MBD5: variants seen among roughly 807,000 people sequenced by gnomAD.
MBD5 encodes the protein methyl-CpG binding domain protein 5, also known as methyl-CpG-binding domain protein 5.
A neutral mutation model predicts 117.3 loss-of-function variants in MBD5; 13 were observed. The observed-to-expected ratio is 0.11, with a 90% confidence interval of 0.07 to 0.18. The LOEUF (loss-of-function observed/expected upper bound fraction) is 0.18. Ranked by LOEUF, MBD5 falls within the 10% of genes least tolerant of loss-of-function variation. The pLI is 1.00. For synonymous variants in MBD5, 727 were observed against 766.4 expected (o/e 0.95, Z 0.85); for missense variants, 1,879 against 2,093.8 (o/e 0.90, Z 2.00).
intron 1 of MBD5, among the ~76,000 whole-genome samples, chr2:148,045,434 CCT>C (rs1160574878): frequency 3.9e-5 from 6 of 152,236 alleles, no homozygotes; most frequent in African/African-American, 1.4e-4. Flanking sequence ...AGATTTGTCT[CCT>C]CTCTTACGAA....
chr2:148,426,258 A>G (rs1289591339), intron 4 of MBD5, among the ~76,000 whole-genome samples: 2 of 152,230 alleles, frequency 1.3e-5, no homozygotes, highest in East Asian at 3.8e-4. Context: ...TGCCATCCCC[A>G]TTAAGCTACC....
intron 1 of MBD5, among the ~76,000 whole-genome samples, chr2:148,051,847 C>T (rs1694712896): frequency 6.6e-6 from 1 of 151,830 alleles, no homozygotes; most frequent in African/African-American, 2.4e-5. Flanking sequence ...GCTTTTGTGT[C>T]AAGATATGCT....
At chr2:148,308,982 C>T (rs893321304) in intron 3 of MBD5, among the ~76,000 whole-genome samples, 11 of 152,152 alleles carry the variant, frequency 7.2e-5, no homozygotes, top group Admixed American at 1.3e-4. Context: ...GGCATGATTT[C>T]TGAGGCCTCT....
chr2:148,121,015 G>A (rs775238277), intron 1 of MBD5, among the ~76,000 whole-genome samples: 12 of 152,178 alleles, frequency 7.9e-5, no homozygotes, highest in Middle Eastern at 3.4e-3. Flanking sequence ...CAATAGATTC[G>A]TCATTTTATA....
At chr2:148,021,083 T>TC (rs1402367304), upstream of MBD5, 7 of 99,332 alleles carry the variant, frequency 7.0e-5, no homozygotes, top group South Asian at 3.5e-4. Flanking sequence ...GAACCCCCCC[T>TC]CCCCCCCAAG....
chr2:148,430,342 G>C (rs1469148829), intron 4 of MBD5, among the ~76,000 whole-genome samples: 1 of 152,120 alleles, frequency 6.6e-6, no homozygotes, highest in East Asian at 1.9e-4. Flanking sequence ...AGACTAAGAT[G>C]TAATCCTAGC....
At position 148,489,969 on chromosome 2, in the gene MBD5, A is replaced by C; in HGVS notation, c.4337A>C (p.Glu1446Ala). 6.2e-7 allele frequency: 1 copy of C among 1,614,072 alleles called. No individual in the cohort carries two copies. The highest frequency in any genetic ancestry group is 8.5e-7 in the Non-Finnish European group (1 of 1,180,022). The change falls in exon 11 of 14, where the codon GAG becomes GCG. Residue 1446 changes from glutamate to alanine, a missense_variant. Glu to Ala is a moderately radical substitution (Grantham distance 107). Coordinates refer to ENST00000642680, the MANE Select transcript of MBD5 (RefSeq NM_001378120.1). ...GGGGAGCGAAACAGGTGGAAGTACG[A>C]GGAATTTTTAGATCATCCAGGCCAT... ...PRGERNRWKY[E>A]EFLDHPGHIH...
At chr2:148,484,303 T>C (rs761594005) in intron 9 of MBD5, among the ~76,000 whole-genome samples, 168 bp downstream of exon 9, 3 of 152,202 alleles carry the variant, frequency 2.0e-5, no homozygotes, top group South Asian at 2.1e-4. Context: ...ACCATAGTTA[T>C]ACAAACATGA....
chr2:148,316,375 T>C (rs12463708), intron 3 of MBD5, among the ~76,000 whole-genome samples: 30,927 of 152,174 alleles, frequency 0.2, 3,276 homozygotes, highest in African/African-American at 0.21. Flanking sequence ...AGGAAGAGTT[T>C]GTCATGCTGA....
At chr2:148,185,601 G>T (rs1698634782) in intron 2 of MBD5, among the ~76,000 whole-genome samples, 1 of 152,058 alleles carries the variant, frequency 6.6e-6, no homozygotes, top group Admixed American at 6.6e-5. Flanking sequence ...ACTGATTTCT[G>T]GTTTTTTAAA....
rs538500083 is a variant in MBD5, at chr2:148,309,780, T to C, written c.-679-32434T>C. ...TCCAGCTTTTGCCCATTCAGTATGA[T>C]ATTGGCTGTAGGTTTGTCATAAATA... On this transcript the variant is annotated intron_variant, in intron 3 of 13. Coordinates refer to ENST00000642680, the MANE Select transcript of MBD5 (RefSeq NM_001378120.1). Among the ~76,000 whole-genome samples the C allele has an allele frequency of 3.8e-4, 58 of 152,332 alleles. No individual in the cohort carries two copies. The South Asian group carries it at 0.012, about 31-fold the overall frequency.
At chr2:148,451,098 T>A (rs1480599958) in intron 4 of MBD5, among the ~76,000 whole-genome samples, 1 of 152,162 alleles carries the variant, frequency 6.6e-6, no homozygotes, top group Non-Finnish European at 1.5e-5. Flanking sequence ...CTAGAGAATA[T>A]CTCTCTAATG....
chr2:148,383,582 G>A (rs769417283), intron 4 of MBD5, among the ~76,000 whole-genome samples: 6 of 152,020 alleles, frequency 3.9e-5, no homozygotes, highest in Non-Finnish European at 7.4e-5. Flanking sequence ...TAGAAAAAAA[G>A]GGAATCCTCC....
At chr2:148,026,530 G>T (rs1693897047) in intron 1 of MBD5, 1 of 152,194 alleles carries the variant, frequency 6.6e-6, no homozygotes, top group Non-Finnish European at 1.5e-5. Flanking sequence ...CAGCTACTCG[G>T]AGGCTGAGGC....
intron 1 of MBD5, among the ~76,000 whole-genome samples, chr2:148,095,789 A>G (rs1290940398): frequency 2.0e-5 from 3 of 151,860 alleles, no homozygotes; most frequent in Non-Finnish European, 4.4e-5. Context: ...GCTATGAACG[A>G]GAAGCATTTT....
At chr2:148,512,442 G>C (rs1033315833) in intron 13 of MBD5, among the ~76,000 whole-genome samples, 3 of 152,124 alleles carry the variant, frequency 2.0e-5, no homozygotes, top group Non-Finnish European at 4.4e-5. Flanking sequence ...GGGTAACAAA[G>C]TGAGGGAAAA....
At chr2:148,445,589 A>G (rs373350498) in intron 4 of MBD5, among the ~76,000 whole-genome samples, 2 of 151,412 alleles carry the variant, frequency 1.3e-5, no homozygotes, top group African/African-American at 4.9e-5. Flanking sequence ...TAGTGCCTCA[A>G]TAAACATATG....
At position 148,272,489 on chromosome 2, in the gene MBD5, A is replaced by G. The variant is rs146242850; in HGVS notation, c.-680+39094A>G. 8.8e-3 allele frequency among the ~76,000 whole-genome samples: 1,344 copies of G among 152,292 alleles called. 7 individuals carry two copies. Among genetic ancestry groups the G allele is most frequent in the Non-Finnish European group, 0.012 (813 of 68,018 alleles). On this transcript the variant is annotated intron_variant, in intron 3 of 13. Coordinates refer to ENST00000642680, the MANE Select transcript of MBD5 (RefSeq NM_001378120.1). ...GTAATAGCTATTCTAACAAGTGTGT[A>G]GTGATACTTCATTGCGGCTTTAATT...
intron 2 of MBD5, among the ~76,000 whole-genome samples, chr2:148,199,528 G>A (rs1558969290): frequency 6.6e-6 from 1 of 152,146 alleles, no homozygotes; most frequent in East Asian, 1.9e-4. Context: ...AACCACTTTG[G>A]GAGGCCGAGG....
Sources: gnomAD v4.1 joint callset for allele counts (sites outside exome capture counted in the v4.1 genomes callset) on GRCh38, gnomAD v4.1.1 for gene constraint, MANE v1.5 for transcripts, NCBI Gene and HGNC (gene_info 2026-07-23, HGNC 2026-07-21) for gene names.